PRKN: variants seen among roughly 807,000 people sequenced by gnomAD.
PRKN encodes parkin RBR E3 ubiquitin protein ligase.
In PRKN, 56 loss-of-function variants were observed where a neutral mutation model predicts 59.5. That is an observed-to-expected ratio of 0.94 (90% confidence interval 0.76 to 1.18). The LOEUF is 1.18. PRKN is among the 50% of genes most tolerant of loss of function. PRKN has a pLI of 0.00. For missense variants in PRKN, 657 were observed against 596.4 expected, an observed-to-expected ratio of 1.10 and a Z score of -1.06; for synonymous variants, 250 against 222.1, an observed-to-expected ratio of 1.13 and a Z score of -1.12.
chr6:161,901,841 T>C (rs1228368235), intron 6 of PRKN, among the ~76,000 whole-genome samples: 3 of 152,160 alleles, frequency 2.0e-5, no homozygotes, highest in Non-Finnish European at 4.4e-5. Flanking sequence ...TAACTGGAGA[T>C]TCTCAGAAAG....
chr6:162,155,612 T>C (rs752021559), intron 4 of PRKN, among the ~76,000 whole-genome samples: 1 of 152,094 alleles, frequency 6.6e-6, no homozygotes, highest in East Asian at 1.9e-4. Flanking sequence ...AGAACATTCA[T>C]AGTAAAGTCC....
At chr6:161,415,387 A>C (rs1323395583) in intron 9 of PRKN, among the ~76,000 whole-genome samples, 2 of 152,102 alleles carry the variant, frequency 1.3e-5, no homozygotes, top group Non-Finnish European at 2.9e-5. Flanking sequence ...TAATCATCAT[A>C]ATAAACAATA....
At chr6:161,441,522 G>A (rs530981382) in intron 9 of PRKN, among the ~76,000 whole-genome samples, 1 of 152,086 alleles carries the variant, frequency 6.6e-6, no homozygotes, top group Admixed American at 6.5e-5. Context: ...GCACGTGCCT[G>A]TGATCCCAGC....
At chr6:162,252,994 A>G (rs1779497950) in intron 3 of PRKN, among the ~76,000 whole-genome samples, 1 of 152,228 alleles carries the variant, frequency 6.6e-6, no homozygotes, top group Admixed American at 6.5e-5. Flanking sequence ...GTGAGAGGAA[A>G]TGCCCCTGCT....
intron 7 of PRKN, among the ~76,000 whole-genome samples, chr6:161,596,590 A>G (rs1781921554): frequency 6.6e-6 from 1 of 152,070 alleles, no homozygotes; most frequent in Non-Finnish European, 1.5e-5. Context: ...TCCCAGCGAT[A>G]TCGACAAGAA....
intron 1 of PRKN, among the ~76,000 whole-genome samples, chr6:162,668,555 G>C (rs1326650976): frequency 6.6e-6 from 1 of 152,180 alleles, no homozygotes; most frequent in Non-Finnish European, 1.5e-5. Flanking sequence ...GCCAGCAGTT[G>C]AAGGAGAGGG....
At chr6:162,427,418 T>C (rs569310682) in intron 2 of PRKN, among the ~76,000 whole-genome samples, 1 of 152,176 alleles carries the variant, frequency 6.6e-6, no homozygotes, top group Non-Finnish European at 1.5e-5. Context: ...CACCTTAAAT[T>C]CCCAATAGCA....
At chr6:162,400,858 A>G (rs9365415) in intron 2 of PRKN, among the ~76,000 whole-genome samples, 14,050 of 152,208 alleles carry the variant, frequency 0.092, 741 homozygotes, top group African/African-American at 0.15. Flanking sequence ...GGGAACTACT[A>G]TATACATCAT....
chr6:162,666,706 C>CA (rs1779118918), intron 1 of PRKN, among the ~76,000 whole-genome samples: 1 of 152,040 alleles, frequency 6.6e-6, no homozygotes, highest in African/African-American at 2.4e-5. Flanking sequence ...ATAGAACACT[C>CA]ATTTTTAGGC....
chr6:162,259,188 T>C (rs1779780694), intron 3 of PRKN, among the ~76,000 whole-genome samples: 1 of 152,228 alleles, frequency 6.6e-6, no homozygotes, highest in African/African-American at 2.4e-5. Flanking sequence ...GTGTTTAATA[T>C]GTGAAGTACG....
intron 7 of PRKN, among the ~76,000 whole-genome samples, chr6:161,764,289 G>A (rs1326672891): frequency 6.6e-6 from 1 of 152,210 alleles, no homozygotes; most frequent in Non-Finnish European, 1.5e-5. Context: ...TTGAGGGGAA[G>A]AAGCTTATCT....
At chr6:162,321,575 G>T (rs1360758827) in intron 2 of PRKN, among the ~76,000 whole-genome samples, 1 of 151,676 alleles carries the variant, frequency 6.6e-6, no homozygotes, top group Non-Finnish European at 1.5e-5. Flanking sequence ...GATATTGTGA[G>T]AAAAGAAAAC....
intron 1 of PRKN, among the ~76,000 whole-genome samples, chr6:162,492,299 T>A (rs1792853121): frequency 6.6e-6 from 1 of 152,182 alleles, no homozygotes; most frequent in South Asian, 2.1e-4. Flanking sequence ...ACCCCTTGGC[T>A]CATCCAAGTA....
chr6:162,296,374 GTTC>G (rs1781679496), intron 2 of PRKN, among the ~76,000 whole-genome samples: 1 of 151,932 alleles, frequency 6.6e-6, no homozygotes, highest in Non-Finnish European at 1.5e-5. Context: ...GACAAGCTCT[GTTC>G]TTCTTGCTTT....
In PRKN at chr6:161,536,091, A is replaced by C. The variant is rs1375575686; in HGVS notation, c.1083+12763T>G. ...TCTTTTTTTTCCCCAATATCTGCCC[A>C]AAGTCCTTAGTAAATGAATTCCTTT... On this transcript the variant is annotated intron_variant, in intron 9 of 11. Transcript: ENST00000366898. Among the ~76,000 whole-genome samples, 4 of 152,190 alleles carry C rather than the reference A, an allele frequency of 2.6e-5. No homozygotes were observed. In the East Asian group the frequency reaches 7.7e-4, roughly 29 times the overall value.
At chr6:162,117,433 A>G (rs755727554) in intron 4 of PRKN, among the ~76,000 whole-genome samples, 4 of 152,190 alleles carry the variant, frequency 2.6e-5, no homozygotes, top group Non-Finnish European at 5.9e-5. Context: ...TGGCCATGTG[A>G]ACTATAGTAA....
chr6:162,606,770 G>A (rs1583895220), intron 1 of PRKN, among the ~76,000 whole-genome samples: 4 of 152,296 alleles, frequency 2.6e-5, no homozygotes, highest in East Asian at 3.9e-4. Flanking sequence ...AGGCTGGGGT[G>A]CAGTGGTGCA....
chr6:161,755,208 G>A (rs1400128483), intron 7 of PRKN, among the ~76,000 whole-genome samples: 1 of 152,126 alleles, frequency 6.6e-6, no homozygotes, highest in Non-Finnish European at 1.5e-5. Context: ...AGTAGGGGAG[G>A]TGCATGACAG....
intron 8 of PRKN, among the ~76,000 whole-genome samples, chr6:161,555,954 T>G (rs995606051): frequency 5.3e-5 from 8 of 152,254 alleles, no homozygotes; most frequent in African/African-American, 1.9e-4. Context: ...AAGTTGCTCT[T>G]AAGTAATTGA....
Sources: allele counts gnomAD v4.1 joint callset (sites outside exome capture counted in the v4.1 genomes callset), GRCh38; gene constraint gnomAD v4.1.1; transcripts MANE v1.5; gene names NCBI Gene and HGNC (gene_info 2026-07-23, HGNC 2026-07-21).